The following DTHD1 variants were observed in gnomAD, a reference collection of about 807,000 sequenced individuals.
DTHD1 encodes death domain containing 1.
A neutral mutation model predicts 74.8 loss-of-function variants in DTHD1; 59 were observed. The ratio of observed to expected loss-of-function variants is 0.79; its 90% CI spans 0.64 to 0.98. DTHD1 has a LOEUF of 0.98. DTHD1 is among the 50% of genes least tolerant of loss of function. DTHD1 has a pLI of 0.00. For missense variants in DTHD1, 1,051 were observed against 1,065.4 expected (o/e 0.99, Z 0.19); for synonymous variants, 365 against 371.1 (o/e 0.98, Z 0.19).
At chr4:36,341,971 C>A (rs1474565529) in intron 9 of DTHD1, among the ~76,000 whole-genome samples, 1 of 152,106 alleles carries the variant, frequency 6.6e-6, no homozygotes, top group East Asian at 1.9e-4. Flanking sequence ...GGGGCTAAAG[C>A]CAAGGAGGTA....
At chr4:36,307,200 AG>A (rs2109495999) in intron 6 of DTHD1, among the ~76,000 whole-genome samples, 1 of 152,244 alleles carries the variant, frequency 6.6e-6, no homozygotes, top group East Asian at 1.9e-4. Flanking sequence ...TAGTTTGTTA[AG>A]GCTGCTCTAA....
chr4:36,291,921 A>T (rs147083372), intron 3 of DTHD1, among the ~76,000 whole-genome samples: 77 of 152,334 alleles, frequency 5.1e-4, no homozygotes, highest in African/African-American at 1.7e-3. Flanking sequence ...TTAAGCAATT[A>T]AAATATTTAT....
chr4:36,333,794 T>G (rs1023085085), intron 8 of DTHD1: 1 of 152,220 alleles, frequency 6.6e-6, no homozygotes, highest in Admixed American at 6.6e-5. Context: ...GAGGGCTGCA[T>G]GGTCCAGCTG....
In DTHD1 at chr4:36,345,573, A is replaced by T. The variant is rs1187206854; in HGVS notation, c.*1749A>T. 8 of 152,316 alleles carry T rather than the reference A, an allele frequency of 5.3e-5. No individual in the cohort carries two copies. The highest frequency in any genetic ancestry group is 1.2e-4 in the African/African-American group (5 of 41,574). 9.4% of individuals were successfully genotyped at this position (152,316 alleles called of 1,614,324 possible). On this transcript the variant is annotated 3_prime_UTR_variant, in exon 10 of 10. Coordinates refer to ENST00000639862, the MANE Select transcript of DTHD1 (RefSeq NM_001170700.3). ...ATTCAGGTATATATCAAAAAAGGCG[A>T]TTCCCATTTTCAAACATAGTCCCAT...
intron 8 of DTHD1, among the ~76,000 whole-genome samples, chr4:36,323,455 C>A (rs73119378): frequency 0.033 from 4,953 of 151,794 alleles, 280 homozygotes; most frequent in African/African-American, 0.11. Flanking sequence ...TGATTCTGAA[C>A]CATTAAAAAA....
At chr4:36,316,740 T>C (rs1235651024) in intron 8 of DTHD1, among the ~76,000 whole-genome samples, 2 of 152,220 alleles carry the variant, frequency 1.3e-5, no homozygotes, top group African/African-American at 4.8e-5. Context: ...TTGCTAACTA[T>C]GAAAATAATG....
intron 9 of DTHD1, 51 bp downstream of exon 9, chr4:36,339,220 A>G (rs1759181123): frequency 1.6e-6 from 2 of 1,262,840 alleles, no homozygotes; most frequent in South Asian, 2.7e-5. Context: ...ACCCCCTTAT[A>G]TGTTGTATAT....
chr4:36,334,767 T>C (rs1758912264), intron 8 of DTHD1, among the ~76,000 whole-genome samples: 1 of 152,222 alleles, frequency 6.6e-6, no homozygotes, highest in Non-Finnish European at 1.5e-5. Flanking sequence ...CTGAAATGTG[T>C]TCTGCAGGAA....
chr4:36,327,233 C>T (rs558306954), intron 8 of DTHD1, among the ~76,000 whole-genome samples: 63 of 152,210 alleles, frequency 4.1e-4, no homozygotes, highest in African/African-American at 1.2e-3. Context: ...TCCCAAAATG[C>T]GGGGATTACA....
rs905110200 is a variant in DTHD1 at position 36,347,323 on chromosome 4, A to T, written c.*3499A>T. On this transcript the variant is annotated 3_prime_UTR_variant, in exon 10 of 10. Coordinates refer to ENST00000639862, the MANE Select transcript of DTHD1 (RefSeq NM_001170700.3). ...AACTTTATGTTGCTGAAATTCATCCATTTTGCTGTGTGTGGCAATGGTTCA... is the reference window on the plus strand; with the variant it reads ...AACTTTATGTTGCTGAAATTCATCCTTTTTGCTGTGTGTGGCAATGGTTCA... 1.1e-4 allele frequency among the ~76,000 whole-genome samples: 16 copies of T among 152,066 alleles called. No homozygotes were observed. Among genetic ancestry groups the T allele is most frequent in the African/African-American group, 3.6e-4 (15 of 41,416 alleles).
intron 6 of DTHD1, among the ~76,000 whole-genome samples, chr4:36,307,106 C>G (rs1405468986): frequency 1.3e-5 from 2 of 152,196 alleles, no homozygotes; most frequent in Admixed American, 1.3e-4. Flanking sequence ...TGTAGGGCTG[C>G]TCTGGGTGAG....
intron 5 of DTHD1, among the ~76,000 whole-genome samples, chr4:36,303,138 T>G (rs1176112671): frequency 6.6e-6 from 1 of 152,242 alleles, no homozygotes; most frequent in African/African-American, 2.4e-5. Context: ...CTTTACTATT[T>G]TTGGAACTGT....
At chr4:36,287,853 T>G (rs549304625) in intron 2 of DTHD1, among the ~76,000 whole-genome samples, 1 of 152,330 alleles carries the variant, frequency 6.6e-6, no homozygotes, top group Non-Finnish European at 1.5e-5. Flanking sequence ...CTTCTGGATT[T>G]GTTTGAGTTT....
At chr4:36,296,772 G>A (rs926162416) in intron 5 of DTHD1, among the ~76,000 whole-genome samples, 1 of 151,776 alleles carries the variant, frequency 6.6e-6, no homozygotes. Flanking sequence ...AAAGCTTAGT[G>A]CTTTTTCCAA....
chr4:36,319,329 TAA>T (rs1757927854), intron 8 of DTHD1, among the ~76,000 whole-genome samples: 1 of 152,204 alleles, frequency 6.6e-6, no homozygotes, highest in African/African-American at 2.4e-5. Flanking sequence ...CTCCAGATTC[TAA>T]AAGTTTAAGA....
At chr4:36,316,690 C>T (rs1208828976) in intron 8 of DTHD1, among the ~76,000 whole-genome samples, 1 of 152,138 alleles carries the variant, frequency 6.6e-6, no homozygotes, top group Non-Finnish European at 1.5e-5. Flanking sequence ...GCCTTTCTAA[C>T]AAGAATGCTT....
chr4:36,322,537 G>C (rs148881287), intron 8 of DTHD1, among the ~76,000 whole-genome samples: 1 of 152,044 alleles, frequency 6.6e-6, no homozygotes, highest in African/African-American at 2.4e-5. Flanking sequence ...CATCCAAGTG[G>C]GAGACGCAGC....
intron 5 of DTHD1, among the ~76,000 whole-genome samples, chr4:36,302,377 G>A (rs1756828501): frequency 6.6e-6 from 1 of 152,136 alleles, no homozygotes; most frequent in African/African-American, 2.4e-5. Flanking sequence ...AAAGCTCCAA[G>A]GGTAGATGGA....
At chr4:36,295,081 C>A in intron 5 of DTHD1, 42 bp downstream of exon 5, 1 of 1,457,360 alleles carries the variant, frequency 6.9e-7, no homozygotes, top group Admixed American at 2.5e-5. Context: ...TAATGTCAAA[C>A]AAAGAAGCTT....
Sources: allele counts gnomAD v4.1 joint callset (sites outside exome capture counted in the v4.1 genomes callset), GRCh38; gene constraint gnomAD v4.1.1; transcripts MANE v1.5; gene names NCBI Gene and HGNC (gene_info 2026-07-23, HGNC 2026-07-21).